Variants in AKAP13 observed in about 807,000 individuals in gnomAD.
The protein encoded by AKAP13 is A-kinase anchoring protein 13.
AKAP13 carries 80 observed loss-of-function variants against 264.5 expected under a neutral mutation model. That is an observed-to-expected ratio of 0.30 (90% CI 0.25 to 0.36). The LOEUF is 0.36. AKAP13 is among the 10% of genes least tolerant of loss of function. AKAP13 has a pLI of 1.00. For missense variants in AKAP13, 3,712 were observed against 3,435.2 expected, an observed-to-expected ratio of 1.08 and a Z score of -2.01; for synonymous variants, 1,380 against 1,250.2, an observed-to-expected ratio of 1.10 and a Z score of -2.19.
At chr15:85,521,678 T>G (rs1483581) in intron 3 of AKAP13, 103 bp downstream of exon 3, 2 of 1,257,688 alleles carry the variant, frequency 1.6e-6, no homozygotes, top group Non-Finnish European at 2.1e-6. Context: ...GTGTAGACAG[T>G]ATAAAAAAAT....
intron 17 of AKAP13, among the ~76,000 whole-genome samples, chr15:85,704,768 A>G (rs2086134993): frequency 6.6e-6 from 1 of 152,246 alleles, no homozygotes; most frequent in African/African-American, 2.4e-5. Context: ...TTTGTGGCAG[A>G]GAGCTTAAAA....
chr15:85,416,535 G>T (rs1221979614), intron 1 of AKAP13, among the ~76,000 whole-genome samples: 1 of 152,180 alleles, frequency 6.6e-6, no homozygotes, highest in Non-Finnish European at 1.5e-5. Flanking sequence ...TGGGACTCCA[G>T]TGGTCAATGA....
chr15:85,618,059 G>A (rs1256041788), intron 8 of AKAP13, among the ~76,000 whole-genome samples: 6 of 152,144 alleles, frequency 3.9e-5, no homozygotes, highest in East Asian at 1.9e-4. Flanking sequence ...TTCATTCCTC[G>A]GATGAACCAG....
chr15:85,579,433 C>G lies in AKAP13; in HGVS notation c.1365C>G (p.Gly455=), dbSNP rs762957164. The G allele has an allele frequency of 1.2e-6, 2 of 1,614,218 alleles. No homozygotes were observed. Among genetic ancestry groups the G allele is most frequent in the Non-Finnish European group, 1.7e-6 (2 of 1,180,024 alleles). The change falls in exon 7 of 37, where the codon GGC becomes GGG. Residue 455 remains glycine, a synonymous_variant. Coordinates refer to ENST00000394518, the MANE Select transcript of AKAP13 (RefSeq NM_007200.5). Reference sequence around the variant, plus strand: ...AGAGAGACTTGGTCATGGAGCCAGGCACAGCCCAGTATTCCTCTGGAGGTG... The same window carrying G: ...AGAGAGACTTGGTCATGGAGCCAGGGACAGCCCAGTATTCCTCTGGAGGTG... ...VLQRDLVMEP[G]TAQYSSGGEL... is the part of the protein sequence containing the mutation.
At chr15:85,677,497 T>TA (rs778404116) in intron 14 of AKAP13, among the ~76,000 whole-genome samples, 2 of 152,220 alleles carry the variant, frequency 1.3e-5, no homozygotes, top group Non-Finnish European at 2.9e-5. Flanking sequence ...GGGACAGATA[T>TA]CTAGATGTTC....
rs766620869 is a variant in AKAP13 at position 85,735,048 on chromosome 15, G to C, written c.7339G>C (p.Val2447Leu). Reference sequence around the variant, plus strand: ...TCTGGGAGGCACACTTGGGCCGACTGTCAGCAGCCCCATTGAGCAAGATGT... The same window carrying C: ...TCTGGGAGGCACACTTGGGCCGACTCTCAGCAGCCCCATTGAGCAAGATGT... ...GNLGGTLGPT[V>L]SSPIEQDVVG... Residue 2447 changes from valine (V) to leucine (L), a missense_variant, in exon 31 of 37, where the codon GTC (valine) becomes CTC (leucine). This residue lies in a region of AKAP13 where 611 missense variants were observed against 539.3 expected (regional missense o/e 1.13). Transcript: ENST00000394518. The C allele has an allele frequency of 4.3e-6, 7 of 1,614,240 alleles. No homozygotes were observed. In the South Asian group the frequency reaches 4.4e-5, roughly 10 times the overall value.
intron 18 of AKAP13, chr15:85,710,326 A>AAAGGGG (rs1293653175): frequency 2.7e-6 from 1 of 367,574 alleles, no homozygotes; most frequent in Non-Finnish European, 5.0e-6. Context: ...AAATCGTCTT[A>AAAGGGG]AAGGGGAAGA....
chr15:85,391,793 CT>C (rs915812968), intron 1 of AKAP13, among the ~76,000 whole-genome samples: 2 of 146,218 alleles, frequency 1.4e-5, no homozygotes, highest in Non-Finnish European at 3.0e-5. Flanking sequence ...CCTCCTTATT[CT>C]TTTTTTTTGA....
At chr15:85,511,852 T>C (rs761310329) in intron 2 of AKAP13, among the ~76,000 whole-genome samples, 17 of 152,194 alleles carry the variant, frequency 1.1e-4, no homozygotes, top group Non-Finnish European at 2.2e-4. Context: ...TGGTAGATCT[T>C]GCTACCATGG....
chr15:85,486,739 CTTTTTTTTT>C (rs562767898), intron 2 of AKAP13, among the ~76,000 whole-genome samples: 3 of 115,644 alleles, frequency 2.6e-5, no homozygotes, highest in East Asian at 2.4e-4. Context: ...TTGTTCAGTT[CTTTTTTTTT>C]TTTTTTTTTG....
At chr15:85,422,540 TTTTTG>T (rs1409610107) in intron 1 of AKAP13, among the ~76,000 whole-genome samples, 2 of 152,214 alleles carry the variant, frequency 1.3e-5, no homozygotes, top group East Asian at 3.8e-4. Context: ...GAACAGAGGT[TTTTTG>T]TTTTGTTTTA....
chr15:85,577,568 T>TC (rs1466017419), intron 6 of AKAP13, among the ~76,000 whole-genome samples: 1 of 152,208 alleles, frequency 6.6e-6, no homozygotes, highest in Non-Finnish European at 1.5e-5. Context: ...TAGTATTTCT[T>TC]CCATCAGTTT....
intron 1 of AKAP13, among the ~76,000 whole-genome samples, chr15:85,459,310 G>T (rs985642385): frequency 6.8e-6 from 1 of 146,908 alleles, no homozygotes. Context: ...CTCAGCCTCC[G>T]GCATAGCTGG....
rs1277822616 is a variant in AKAP13 at position 85,746,980 on chromosome 15, G to C, written c.*2303G>C. On this transcript the variant is annotated 3_prime_UTR_variant, in exon 37 of 37. Transcript: ENST00000394518. ...CACAGAGCTTGACATCAATGTTAGAGGGTCTCTTACTCCCCGCCCAGCTGT... is the reference window on the plus strand; with the variant it reads ...CACAGAGCTTGACATCAATGTTAGACGGTCTCTTACTCCCCGCCCAGCTGT... 6.6e-6 allele frequency: 1 copy of C among 152,204 alleles called. No homozygotes were observed. Among genetic ancestry groups the C allele is most frequent in the East Asian group, 1.9e-4 (1 of 5,196 alleles). The allele number at this position is 152,204 out of a possible 1,614,324, so 9.4% of individuals were successfully genotyped here. A position where few individuals can be genotyped will look rare whatever the true frequency, so the allele number is the denominator to read the frequency against.
intron 7 of AKAP13, chr15:85,583,185 T>G: frequency 1.0e-6 from 1 of 985,126 alleles, no homozygotes; most frequent in South Asian, 4.7e-5. Context: ...GCCTGTTTTG[T>G]CTTTATTGTT....
intron 17 of AKAP13, among the ~76,000 whole-genome samples, chr15:85,698,455 ACT>A (rs1192381518): frequency 1.0e-5 from 1 of 100,326 alleles, no homozygotes; most frequent in Non-Finnish European, 1.9e-5. Context: ...ACAGAGCAAG[ACT>A]CTGTCTCCAA....
At chr15:85,466,580 A>G (rs2074749841) in intron 1 of AKAP13, among the ~76,000 whole-genome samples, 1 of 152,210 alleles carries the variant, frequency 6.6e-6, no homozygotes, top group East Asian at 1.9e-4. Flanking sequence ...ATGGCTAGCC[A>G]GTTTTCCCAG....
At position 85,708,060 on chromosome 15, in the gene AKAP13, GCCT is replaced by G; in HGVS notation, c.5510_5512del (p.Ser1837del). ...CCACAAAGGCTGCCGAGAAAGTCTA[GCCT>G]CCTGTGCAAAGGTCAAAATGAAGGT... On this transcript the variant is annotated inframe_deletion, in exon 18 of 37. Transcript: ENST00000394518. This position sits in a 1 kb window ranked among gnomAD's most constrained non-coding sequence, Gnocchi z 4.3. 6.2e-7 allele frequency: 1 copy of G among 1,613,858 alleles called. No homozygotes were observed. The highest frequency in any genetic ancestry group is 2.2e-5 in the East Asian group (1 of 44,876).
rs542554451 is a variant in AKAP13, at chr15:85,658,386, T to G, written c.4746-151T>G. ...CTGTCAGGCCCTTTTGGTCCTGATG[T>G]TTTTCTCATTCCACATTCCTTCATT... On this transcript the variant is annotated intron_variant, in intron 11 of 36. Coordinates refer to ENST00000394518, the MANE Select transcript of AKAP13 (RefSeq NM_007200.5). 6 of 562,516 alleles carry G rather than the reference T, an allele frequency of 1.1e-5. No individual in the cohort carries two copies. In the East Asian group the frequency reaches 1.9e-4, roughly 18 times the overall value. 34.8% of individuals were successfully genotyped at this position (562,516 alleles called of 1,614,324 possible).
Sources: gnomAD v4.1 joint callset for allele counts (sites outside exome capture counted in the v4.1 genomes callset) on GRCh38, gnomAD v4.1.1 for gene constraint, gnomAD v4.1.1 regional missense constraint, Gnocchi (gnomAD v3.1) non-coding constraint, MANE v1.5 for transcripts, NCBI Gene and HGNC (gene_info 2026-07-23, HGNC 2026-07-21) for gene names.